The following SRC variants were observed in gnomAD, a reference collection of about 807,000 sequenced individuals.
SRC encodes SRC proto-oncogene, non-receptor tyrosine kinase, also known as proto-oncogene tyrosine-protein kinase Src.
A neutral mutation model predicts 62.9 loss-of-function variants in SRC; 13 were observed. That is an observed-to-expected ratio of 0.21 (90% CI 0.13 to 0.33). The LOEUF is 0.33. Ranked by LOEUF, SRC falls within the 10% of genes least tolerant of loss-of-function variation. The pLI is 1.00. For missense variants in SRC, 457 were observed against 737.3 expected, an observed-to-expected ratio of 0.62 and a Z score of 4.40; for synonymous variants, 302 against 317.5, an observed-to-expected ratio of 0.95 and a Z score of 0.52.
Position 37,403,393 on chromosome 20 carries a change from C to T in SRC, c.*14C>T, listed in dbSNP as rs375761727. The T allele has an allele frequency of 3.4e-5, 53 of 1,566,696 alleles. No homozygotes were observed. The highest frequency in any genetic ancestry group is 3.2e-4 in the East Asian group (14 of 43,146). On this transcript the variant is annotated 3_prime_UTR_variant, in exon 14 of 14. Transcript: ENST00000373578. This position sits in a 1 kb window ranked among gnomAD's most constrained non-coding sequence, Gnocchi z 7.1. ...GAGAACCTCTAGGCACAGGCGGGCC[C>T]AGACCGGCTTCTCGGCTTGGATCCT... is the stretch of plus-strand genomic sequence containing the variant.
chr20:37,377,246 C>A (rs1323692530), intron 2 of SRC, among the ~76,000 whole-genome samples: 2 of 152,208 alleles, frequency 1.3e-5, no homozygotes, highest in South Asian at 2.1e-4. Context: ...TCTTTTCCTG[C>A]CACAAGGACT....
chr20:37,379,286 G>A (rs979406958), intron 2 of SRC, among the ~76,000 whole-genome samples: 2 of 152,104 alleles, frequency 1.3e-5, no homozygotes, highest in Non-Finnish European at 2.9e-5. Flanking sequence ...CCCCCGCAAG[G>A]GTCTATCTCT....
intron 1 of SRC, among the ~76,000 whole-genome samples, chr20:37,362,863 G>A (rs1291801692): frequency 6.6e-6 from 1 of 152,182 alleles, no homozygotes; most frequent in Non-Finnish European, 1.5e-5. Context: ...GTGGGTATAG[G>A]GAAGAGAGCG....
intron 1 of SRC, among the ~76,000 whole-genome samples, chr20:37,346,780 G>T (rs991792353): frequency 3.3e-5 from 5 of 152,318 alleles, no homozygotes; most frequent in Admixed American, 2.6e-4. Flanking sequence ...GCCTGGTGCT[G>T]CCGGCCTGGA....
rs2147106466 is a variant in SRC at position 37,397,517 on chromosome 20, G to A, written c.704-182G>A. Among the ~76,000 whole-genome samples, 1 of 152,334 alleles carries A rather than the reference G, an allele frequency of 6.6e-6. No individual in the cohort carries two copies. Among genetic ancestry groups the A allele is most frequent in the South Asian group, 2.1e-4 (1 of 4,832 alleles). ...ATGACTGACTCAGCAGATGCATAAA[G>A]CACTGTGGGCCTGTGTGGGGGTGGG... is the stretch of plus-strand genomic sequence containing the variant. On this transcript the variant is annotated intron_variant, in intron 8 of 13. Coordinates refer to ENST00000373578, the MANE Select transcript of SRC (RefSeq NM_198291.3). The surrounding 1 kb of genome is among the most constrained non-coding windows in gnomAD (Gnocchi z 4.1).
chr20:37,350,945 C>G (rs12106024), intron 1 of SRC, among the ~76,000 whole-genome samples: 35,707 of 152,104 alleles, frequency 0.23, 4,385 homozygotes, highest in Middle Eastern at 0.28. Context: ...TTTCACAGAT[C>G]GGGGGGATTG....
intron 1 of SRC, among the ~76,000 whole-genome samples, chr20:37,353,717 C>T (rs1419129198): frequency 1.3e-5 from 2 of 152,148 alleles, no homozygotes; most frequent in Admixed American, 6.5e-5. Context: ...GGATTTGAAC[C>T]CAGGGCTTCC....
intron 2 of SRC, among the ~76,000 whole-genome samples, chr20:37,372,657 T>C (rs926264593): frequency 6.6e-6 from 1 of 152,212 alleles, no homozygotes; most frequent in South Asian, 2.1e-4. Context: ...TCTGCTGTTG[T>C]TGGGTGGCTG....
rs145022028 is a variant in SRC, at chr20:37,400,646, T to C, written c.1039+352T>C. Among the ~76,000 whole-genome samples the C allele has an allele frequency of 7.2e-5, 11 of 152,146 alleles. No homozygotes were observed. The East Asian group carries it at 1.9e-3, about 27-fold the overall frequency. On this transcript the variant is annotated intron_variant, in intron 10 of 13. Transcript: ENST00000373578. ...GTCCTCCCACTTCCACCTCCCAAAG[T>C]GCTGGGATTACAGGTGTGAGCCACA...
At position 37,384,198 on chromosome 20, in the gene SRC, C is replaced by T. The variant is rs1387141295; in HGVS notation, c.45C>T (p.Arg15=). Residue 15 remains arginine, a synonymous_variant, in exon 4 of 14, where the codon CGC becomes CGT. Transcript: ENST00000373578. This position sits in a 1 kb window ranked among gnomAD's most constrained non-coding sequence, Gnocchi z 6.7. The stretch of plus-strand genomic sequence containing the variant: ...AGCCCAAGGATGCCAGCCAGCGGCG[C>T]CGCAGCCTGGAGCCCGCCGAGAACG... ...KSKPKDASQR[R]RSLEPAENVH... The T allele has an allele frequency of 2.5e-6, 4 of 1,597,312 alleles. No homozygotes were observed. The highest frequency in any genetic ancestry group is 3.4e-6 in the Non-Finnish European group (4 of 1,176,078).
chr20:37,400,100 A>C lies in SRC; in HGVS notation c.860-15A>C. The stretch of plus-strand genomic sequence containing the variant: ...GGGGGGCTCCACTGAGTCAGCCTGC[A>C]TCCCTCCTCAACAGGGACCTGGAAC... On this transcript the variant is annotated splice_polypyrimidine_tract_variant and intron_variant, in intron 9 of 13. Coordinates refer to ENST00000373578, the MANE Select transcript of SRC (RefSeq NM_198291.3). The C allele has an allele frequency of 6.3e-7, 1 of 1,584,690 alleles. No individual in the cohort carries two copies. Among genetic ancestry groups the C allele is most frequent in the South Asian group, 1.1e-5 (1 of 88,090 alleles).
Position 37,396,014 on chromosome 20 carries a change from GGGCT to G in SRC, c.554-142_554-139del. 8.9e-7 allele frequency: 1 copy of G among 1,129,822 alleles called. No individual in the cohort carries two copies. Among genetic ancestry groups the G allele is most frequent in the African/African-American group, 1.5e-5 (1 of 64,528 alleles). The allele number at this position is 1,129,822 out of a possible 1,614,324, so 70.0% of individuals were successfully genotyped here. A position where few individuals can be genotyped will look rare whatever the true frequency, so the allele number is the denominator to read the frequency against. On this transcript the variant is annotated intron_variant, in intron 7 of 13. Transcript: ENST00000373578. This position sits in a 1 kb window ranked among gnomAD's most constrained non-coding sequence, Gnocchi z 6.1. ...TGGCCCTGCCTCTGTGGCTGCCCCG[GGGCT>G]GGCTGTTGAGAGACAGGGTGGGCCT...
rs1367075967 is a variant in SRC at position 37,346,216 on chromosome 20, G to C, written c.-286G>C. 6.6e-6 allele frequency: 1 copy of C among 150,998 alleles called. No individual in the cohort carries two copies. Among genetic ancestry groups the C allele is most frequent in the Non-Finnish European group, 1.5e-5 (1 of 67,426 alleles). The allele number at this position is 150,998 out of a possible 1,614,324, so 9.4% of individuals were successfully genotyped here. On this transcript the variant is annotated 5_prime_UTR_variant, in exon 1 of 14. Coordinates refer to ENST00000373578, the MANE Select transcript of SRC (RefSeq NM_198291.3). ...GACGTCCCGCGGTCCGCCCTCCCGTGCGTCCGTCTGCCGGTGAGCCCGCCC... is the reference window on the plus strand; with the variant it reads ...GACGTCCCGCGGTCCGCCCTCCCGTCCGTCCGTCTGCCGGTGAGCCCGCCC...
rs146262957 is a variant in SRC, at chr20:37,374,081, ATT to A, written c.-172-8522_-172-8521del. On this transcript the variant is annotated intron_variant, in intron 2 of 13. Transcript: ENST00000373578. Reference sequence around the variant, plus strand: ...GAACTTCTAGATTGATTTATGAATAATTTTTTTTTTTTTTTTTAGATAGAGTC... The same window carrying A: ...GAACTTCTAGATTGATTTATGAATAATTTTTTTTTTTTTTTAGATAGAGTC... 9.1e-3 allele frequency among the ~76,000 whole-genome samples: 1,292 copies of A among 142,744 alleles called. 18 individuals are homozygous for A. The highest frequency in any genetic ancestry group is 0.026 in the African/African-American group (1,013 of 39,680). The allele number at this position is 142,744 out of a possible 152,430, so 93.6% of individuals were successfully genotyped here.
At chr20:37,392,365 C>T (rs2070564948) in intron 5 of SRC, among the ~76,000 whole-genome samples, 1 of 152,186 alleles carries the variant, frequency 6.6e-6, no homozygotes, top group South Asian at 2.1e-4. Context: ...TCAACTTCTC[C>T]ATCTTCTATA....
At chr20:37,360,657 T>G (rs1432948864) in intron 1 of SRC, among the ~76,000 whole-genome samples, 1 of 152,214 alleles carries the variant, frequency 6.6e-6, no homozygotes, top group East Asian at 1.9e-4. Flanking sequence ...CCCGCTGTCA[T>G]GCTATTGTGA....
At chr20:37,362,001 T>C (rs918310482) in intron 1 of SRC, among the ~76,000 whole-genome samples, 2 of 151,544 alleles carry the variant, frequency 1.3e-5, no homozygotes, top group African/African-American at 2.4e-5. Context: ...GTAGAGATGC[T>C]GGGGTCTCTG....
intron 1 of SRC, among the ~76,000 whole-genome samples, chr20:37,350,945 C>T (rs12106024): frequency 2.0e-5 from 3 of 152,018 alleles, no homozygotes; most frequent in Non-Finnish European, 2.9e-5. Flanking sequence ...TTTCACAGAT[C>T]GGGGGGATTG....
Position 37,397,985 on chromosome 20 carries a change from C to T in SRC, c.859+131C>T. ...GGGGCCCTGTTGTAAATCTGGAGCT[C>T]CCCAGCGGTGGCTGGCACCGAGTTG... On this transcript the variant is annotated intron_variant, in intron 9 of 13. Transcript: ENST00000373578. This position sits in a 1 kb window ranked among gnomAD's most constrained non-coding sequence, Gnocchi z 4.1. 2 of 1,224,464 alleles carry T rather than the reference C, an allele frequency of 1.6e-6. No homozygotes were observed. The highest frequency in any genetic ancestry group is 2.2e-6 in the Non-Finnish European group (2 of 901,100). 75.8% of individuals were successfully genotyped at this position (1,224,464 alleles called of 1,614,324 possible).
Sources: allele counts gnomAD v4.1 joint callset (sites outside exome capture counted in the v4.1 genomes callset), GRCh38; gene constraint gnomAD v4.1.1; non-coding constraint Gnocchi (gnomAD v3.1); transcripts MANE v1.5; gene names NCBI Gene and HGNC (gene_info 2026-07-23, HGNC 2026-07-21).